CPVL: variants seen among roughly 807,000 people sequenced by gnomAD.
The protein encoded by CPVL is carboxypeptidase vitellogenic like.
CPVL carries 51 observed loss-of-function variants against 63.7 expected under a neutral mutation model. That is an observed-to-expected ratio of 0.80 (90% CI 0.64 to 1.01). CPVL has a LOEUF of 1.01. CPVL is among the 50% of genes least tolerant of loss of function. The pLI, the probability that CPVL is intolerant of heterozygous loss-of-function variation, is 0.00. For missense variants in CPVL, 530 were observed against 573.1 expected (o/e 0.92, Z 0.77); for synonymous variants, 195 against 206.0 (o/e 0.95, Z 0.46).
intron 11 of CPVL, among the ~76,000 whole-genome samples, chr7:29,045,447 A>G (rs975898103): frequency 7.2e-5 from 11 of 152,206 alleles, no homozygotes; most frequent in African/African-American, 2.7e-4. Context: ...CTATAGTTAC[A>G]TAAAATAAAT....
At chr7:29,186,281 G>T (rs960606443) in intron 2 of CPVL, among the ~76,000 whole-genome samples, 1 of 152,100 alleles carries the variant, frequency 6.6e-6, no homozygotes, top group Non-Finnish European at 1.5e-5. Flanking sequence ...ATCATCATAG[G>T]TTCAAATTGA....
chr7:29,072,243 T>C, intron 8 of CPVL, 58 bp downstream of exon 8: 5 of 1,591,204 alleles, frequency 3.1e-6, no homozygotes, highest in Non-Finnish European at 3.4e-6. Context: ...TTCCATCTGA[T>C]AAAAAGGCAT....
chr7:29,112,967 C>T (rs1788404188), intron 2 of CPVL, 145 bp from the exon 3 acceptor site: 2 of 595,294 alleles, frequency 3.4e-6, no homozygotes, highest in Admixed American at 2.7e-5. Context: ...TCAGCAAATT[C>T]CAGCCTGCCC....
intron 1 of CPVL, among the ~76,000 whole-genome samples, chr7:29,121,832 A>T (rs1298422074): frequency 6.6e-6 from 1 of 152,172 alleles, no homozygotes; most frequent in East Asian, 1.9e-4. Context: ...ATCAAAGAAC[A>T]ACAACAACAA....
intron 1 of CPVL, among the ~76,000 whole-genome samples, chr7:29,128,352 C>CA (rs1233893522): frequency 6.6e-6 from 1 of 152,130 alleles, no homozygotes; most frequent in East Asian, 1.9e-4. Flanking sequence ...CTTTCCCTCC[C>CA]AGGGACAGCT....
chr7:29,067,874 G>A (rs985635908), intron 9 of CPVL, among the ~76,000 whole-genome samples: 1 of 152,000 alleles, frequency 6.6e-6, no homozygotes, highest in Non-Finnish European at 1.5e-5. Flanking sequence ...ATTAGGCCAC[G>A]ACTCCTGAGC....
At chr7:29,148,253 G>A (rs375876890), upstream of CPVL, among the ~76,000 whole-genome samples, 4 of 152,238 alleles carry the variant, frequency 2.6e-5, no homozygotes, top group Admixed American at 6.5e-5. Context: ...GACAACTACT[G>A]GCCAAAGAAT....
At chr7:29,161,066 A>G (rs1374014152) in intron 5 of CPVL, among the ~76,000 whole-genome samples, 3 of 152,116 alleles carry the variant, frequency 2.0e-5, no homozygotes, top group Non-Finnish European at 4.4e-5. Context: ...TATAATACCT[A>G]GAAGCTACCT....
At chr7:29,063,405 T>C (rs1181013724) in intron 11 of CPVL, among the ~76,000 whole-genome samples, 1 of 152,280 alleles carries the variant, frequency 6.6e-6, no homozygotes, top group East Asian at 1.9e-4. Flanking sequence ...GTCATTGGGA[T>C]TCATGTAACA....
chr7:29,187,364 T>TGA (rs905209565), intron 1 of CPVL, among the ~76,000 whole-genome samples: 6 of 151,826 alleles, frequency 4.0e-5, no homozygotes, highest in African/African-American at 1.5e-4. Flanking sequence ...TGTGTGTGTG[T>TGA]GACAAAGAGA....
At chr7:29,179,421 C>T (rs1048265123) in intron 5 of CPVL, among the ~76,000 whole-genome samples, 6 of 152,242 alleles carry the variant, frequency 3.9e-5, no homozygotes, top group African/African-American at 1.4e-4. Flanking sequence ...TGCACAGAAA[C>T]TCAGGCTGAA....
intron 12 of CPVL, among the ~76,000 whole-genome samples, chr7:28,996,549 C>CAAAA: frequency 8.8e-6 from 1 of 113,566 alleles, no homozygotes; most frequent in Non-Finnish European, 2.0e-5. Flanking sequence ...AACCAAAAAA[C>CAAAA]AAAAAAAAAA....
Position 29,112,748 on chromosome 7 carries a change from T to C in CPVL, c.244A>G (p.Lys82Glu), listed in dbSNP as rs747768971. 127 of 1,613,680 alleles carry C rather than the reference T, an allele frequency of 7.9e-5. 1 individual carries two copies. In the Admixed American group the frequency reaches 2.1e-3, roughly 27 times the overall value. ...AAGAAGAGGTTGCTGTTGTAAGTCT[T>C]ATTCACGGTGAGGAAGCCGGCATAA... is the stretch of plus-strand genomic sequence containing the variant. ...KSYAGFLTVN[K>E]TYNSNLFFWF... Residue 82 changes from lysine to glutamate, a missense_variant, in exon 3 of 13, where the codon AAG (lysine) becomes GAG (glutamate). Physicochemically the swap from Lys to Glu is moderately conservative, Grantham distance 56. Transcript: ENST00000265394.
At chr7:29,194,799 G>A in intron 1 of CPVL, 2 of 623,564 alleles carry the variant, frequency 3.2e-6, no homozygotes, top group Non-Finnish European at 4.8e-6. Flanking sequence ...TGCAGGCAGA[G>A]TCCGGAGGCT....
chr7:29,178,615 C>T (rs550401229), intron 5 of CPVL, among the ~76,000 whole-genome samples: 1 of 152,050 alleles, frequency 6.6e-6, no homozygotes, highest in African/African-American at 2.4e-5. Flanking sequence ...TTAAAAAAAG[C>T]AGTTCATTGT....
chr7:29,019,050 A>AATAT lies in CPVL; in HGVS notation c.1320+11523_1320+11526dup, dbSNP rs34018632. Among the ~76,000 whole-genome samples the AATAT allele has an allele frequency of 8.8e-4, 132 of 149,322 alleles. 1 individual carries two copies. Among genetic ancestry groups the AATAT allele is most frequent in the African/African-American group, 3.1e-3 (126 of 40,866 alleles). ...TATATGGTATATAGAGATAGGTATA[A>AATAT]ATATATATATATATATATTTACATA... On this transcript the variant is annotated intron_variant, in intron 12 of 12. Coordinates refer to ENST00000265394, the MANE Select transcript of CPVL (RefSeq NM_031311.5).
chr7:29,021,641 C>T (rs947778707), intron 12 of CPVL, among the ~76,000 whole-genome samples: 3 of 152,048 alleles, frequency 2.0e-5, no homozygotes, highest in African/African-American at 2.4e-5. Context: ...ATTTTAGCCA[C>T]AGGAGAGCCC....
At chr7:29,145,697 T>C (rs1792477736) in intron 1 of CPVL, among the ~76,000 whole-genome samples, 2 of 152,162 alleles carry the variant, frequency 1.3e-5, no homozygotes. Context: ...AACAATTCTT[T>C]AAAAAGAAAA....
chr7:29,167,526 T>A (rs183662597), intron 5 of CPVL, among the ~76,000 whole-genome samples: 358 of 152,310 alleles, frequency 2.4e-3, no homozygotes, highest in Middle Eastern at 6.8e-3. Flanking sequence ...AAAGTATGTA[T>A]CTTAGAGTGG....
Sources: gnomAD v4.1 joint callset for allele counts (sites outside exome capture counted in the v4.1 genomes callset) on GRCh38, gnomAD v4.1.1 for gene constraint, MANE v1.5 for transcripts, NCBI Gene and HGNC (gene_info 2026-07-23, HGNC 2026-07-21) for gene names.